ARHGAP44: variants seen among roughly 807,000 people sequenced by gnomAD.
The protein encoded by ARHGAP44 is Rho GTPase activating protein 44.
A neutral mutation model predicts 106.8 loss-of-function variants in ARHGAP44; 43 were observed. That is an observed-to-expected ratio of 0.40 (90% CI 0.32 to 0.52). The LOEUF is 0.52. ARHGAP44 is among the 20% of genes least tolerant of loss of function. The pLI, the probability that ARHGAP44 is intolerant of heterozygous loss-of-function variation, is 0.48. For missense variants in ARHGAP44, 866 were observed against 1,050.5 expected (o/e 0.82, Z 2.43); for synonymous variants, 439 against 410.3 (o/e 1.07, Z -0.85).
chr17:12,976,485 T>G (rs897040556), intron 18 of ARHGAP44, among the ~76,000 whole-genome samples: 2 of 151,632 alleles, frequency 1.3e-5, no homozygotes, highest in South Asian at 2.1e-4. Context: ...CAGTGGTATA[T>G]GTCTATAGTC....
At position 12,949,013 on chromosome 17, in the gene ARHGAP44, T is replaced by G; in HGVS notation, c.862-127T>G. On this transcript the variant is annotated intron_variant, in intron 10 of 20. Coordinates refer to ENST00000379672, the MANE Select transcript of ARHGAP44 (RefSeq NM_014859.6). The surrounding 1 kb of genome is among the most constrained non-coding windows in gnomAD (Gnocchi z 4.1). Reference sequence around the variant, plus strand: ...TTGAGAAAGCAGGCAACTGGGGGATTGGGAGATGGTGTTGGGCAAATGCAT... The same window carrying G: ...TTGAGAAAGCAGGCAACTGGGGGATGGGGAGATGGTGTTGGGCAAATGCAT... 1.1e-6 allele frequency: 1 copy of G among 901,932 alleles called. No individual in the cohort carries two copies. The highest frequency in any genetic ancestry group is 1.7e-6 in the Non-Finnish European group (1 of 580,852). 55.9% of individuals were successfully genotyped at this position (901,932 alleles called of 1,614,324 possible). A position where few individuals can be genotyped will look rare whatever the true frequency, so the allele number is the denominator to read the frequency against.
At chr17:12,802,927 T>TTATATATATA (rs1159214788) in intron 1 of ARHGAP44, among the ~76,000 whole-genome samples, 21 of 29,232 alleles carry the variant, frequency 7.2e-4, no homozygotes, top group Non-Finnish European at 1.2e-3. Flanking sequence ...CCTGGCTAAT[T>TTATATATATA]TATATATATA....
chr17:12,915,903 G>C lies in ARHGAP44; in HGVS notation c.279G>C (p.Lys93Asn). The change falls in exon 5 of 21, where the codon AAG becomes AAC. Residue 93 changes from lysine (K) to asparagine (N), a missense_variant. Physicochemically the swap from Lys to Asn is moderately conservative, Grantham distance 94. Transcript: ENST00000379672. ...TTCTTTCCCCCTTGGATTACAGGAA[G>C]ATGCTGAAACTCTGTGGAGAGACGG... ...AILGDDTLLG[K>N]MLKLCGETED... The C allele has an allele frequency of 6.2e-7, 1 of 1,613,542 alleles. No individual in the cohort carries two copies. The highest frequency in any genetic ancestry group is 8.5e-7 in the Non-Finnish European group (1 of 1,179,630).
chr17:12,902,241 T>C (rs2037394963), intron 3 of ARHGAP44, among the ~76,000 whole-genome samples: 1 of 152,094 alleles, frequency 6.6e-6, no homozygotes, highest in Admixed American at 6.6e-5. Flanking sequence ...GCTCACCTGG[T>C]ACTGAGCATG....
chr17:12,813,813 A>G (rs2034511563), intron 1 of ARHGAP44, among the ~76,000 whole-genome samples: 1 of 151,584 alleles, frequency 6.6e-6, no homozygotes, highest in South Asian at 2.1e-4. Flanking sequence ...ACATATAACC[A>G]TGTGGGCAAA....
chr17:12,819,802 C>G (rs538895623), intron 1 of ARHGAP44, among the ~76,000 whole-genome samples: 1 of 152,100 alleles, frequency 6.6e-6, no homozygotes, highest in African/African-American at 2.4e-5. Context: ...AGTTCTTTAT[C>G]TATTTTGCAT....
At chr17:12,953,262 C>A (rs1044673349) in intron 13 of ARHGAP44, among the ~76,000 whole-genome samples, 1 of 152,186 alleles carries the variant, frequency 6.6e-6, no homozygotes, top group African/African-American at 2.4e-5. Context: ...GCTTCCACTT[C>A]CGGCGCGCTG....
rs77479627 is a variant in ARHGAP44, at chr17:12,957,785, C to T, written c.1343-932C>T. Among the ~76,000 whole-genome samples, 37 of 152,184 alleles carry T rather than the reference C, an allele frequency of 2.4e-4. No individual in the cohort carries two copies. In the East Asian group the frequency reaches 7.0e-3, roughly 29 times the overall value. Reference sequence around the variant, plus strand: ...AAAAACATAATAATTGGTACTGTACCGTATGTTTGGTAGACATTAAGGGAA... The same window carrying T: ...AAAAACATAATAATTGGTACTGTACTGTATGTTTGGTAGACATTAAGGGAA... On this transcript the variant is annotated intron_variant, in intron 15 of 20. Transcript: ENST00000379672.
intron 19 of ARHGAP44, chr17:12,982,874 A>C (rs2039865952): frequency 6.6e-6 from 1 of 151,920 alleles, no homozygotes; most frequent in Non-Finnish European, 1.5e-5. Context: ...TCCTCCTAAC[A>C]GACCTTGTTC....
intron 3 of ARHGAP44, among the ~76,000 whole-genome samples, chr17:12,903,034 G>A (rs761491091): frequency 6.7e-6 from 1 of 150,326 alleles, no homozygotes; most frequent in Non-Finnish European, 1.5e-5. Context: ...GTTGCCTGGG[G>A]CTGGAATTAG....
At chr17:12,790,197 C>A in intron 1 of ARHGAP44, 3 of 384,554 alleles carry the variant, frequency 7.8e-6, no homozygotes, top group Non-Finnish European at 1.4e-5. Flanking sequence ...CCGGGACTCC[C>A]TTCTCCCTCT....
chr17:12,866,874 C>G (rs2036252134), intron 1 of ARHGAP44, among the ~76,000 whole-genome samples: 1 of 152,114 alleles, frequency 6.6e-6, no homozygotes, highest in Admixed American at 6.5e-5. Flanking sequence ...CGTAAAACTT[C>G]CCCAAGAGAG....
At chr17:12,833,028 A>G (rs1371420846) in intron 1 of ARHGAP44, among the ~76,000 whole-genome samples, 1 of 152,228 alleles carries the variant, frequency 6.6e-6, no homozygotes. Context: ...GCCTGGGCAC[A>G]GTACTATTTG....
Position 12,859,938 on chromosome 17 carries a change from GA to G in ARHGAP44, c.54-34993del, listed in dbSNP as rs956169497. 1.1e-4 allele frequency among the ~76,000 whole-genome samples: 17 copies of G among 151,760 alleles called. No homozygotes were observed. The East Asian group carries it at 2.5e-3, about 22-fold the overall frequency. ...TCAAGCTTAAATCTCTGTGGTTCATGAAAAAAAAATTTACTATGAAGCAGGC... is the reference window on the plus strand; with the variant it reads ...TCAAGCTTAAATCTCTGTGGTTCATGAAAAAAAATTTACTATGAAGCAGGC... On this transcript the variant is annotated intron_variant, in intron 1 of 20. Coordinates refer to ENST00000379672, the MANE Select transcript of ARHGAP44 (RefSeq NM_014859.6).
chr17:12,968,402 G>A (rs761353896), intron 16 of ARHGAP44, among the ~76,000 whole-genome samples: 1 of 152,218 alleles, frequency 6.6e-6, no homozygotes, highest in Non-Finnish European at 1.5e-5. Context: ...AGGAAGTGCT[G>A]TGACCATTCC....
chr17:12,983,521 T>C (rs1443234838), intron 19 of ARHGAP44, among the ~76,000 whole-genome samples: 1 of 152,112 alleles, frequency 6.6e-6, no homozygotes, highest in East Asian at 1.9e-4. Flanking sequence ...ATGCGGTTGA[T>C]TGGCCGGGCG....
chr17:12,957,932 G>T (rs1178308139), intron 15 of ARHGAP44, among the ~76,000 whole-genome samples: 1 of 152,190 alleles, frequency 6.6e-6, no homozygotes, highest in Non-Finnish European at 1.5e-5. Flanking sequence ...GAAGAAGTTT[G>T]ATTGTCTTTC....
intron 13 of ARHGAP44, among the ~76,000 whole-genome samples, chr17:12,952,825 C>T (rs2039029756): frequency 1.3e-5 from 2 of 149,894 alleles, no homozygotes; most frequent in Admixed American, 1.3e-4. Flanking sequence ...GCTCCGCCTC[C>T]CAGGTTCACA....
intron 1 of ARHGAP44, among the ~76,000 whole-genome samples, chr17:12,869,379 A>G (rs1176972746): frequency 1.3e-5 from 2 of 151,458 alleles, no homozygotes; most frequent in Admixed American, 6.6e-5. Flanking sequence ...TTGTTCATAA[A>G]TTTATAACAT....
Sources: gnomAD v4.1 joint callset for allele counts (sites outside exome capture counted in the v4.1 genomes callset) on GRCh38, gnomAD v4.1.1 for gene constraint, Gnocchi (gnomAD v3.1) non-coding constraint, MANE v1.5 for transcripts, NCBI Gene and HGNC (gene_info 2026-07-23, HGNC 2026-07-21) for gene names.